The following TAF2 variants were observed in gnomAD, a reference collection of about 807,000 sequenced individuals.
TAF2 encodes the protein TATA-box binding protein associated factor 2, also known as transcription initiation factor TFIID subunit 2.
A neutral mutation model predicts 138.5 loss-of-function variants in TAF2; 61 were observed. The observed-to-expected ratio is 0.44, with a 90% CI of 0.36 to 0.54. The LOEUF is 0.54. Ranked by LOEUF, TAF2 falls within the 20% of genes least tolerant of loss-of-function variation. TAF2 has a pLI of 0.00. For missense variants in TAF2, 1,090 were observed against 1,427.9 expected, an observed-to-expected ratio of 0.76 and a Z score of 3.81; for synonymous variants, 475 against 469.9, an observed-to-expected ratio of 1.01 and a Z score of -0.14.
chr8:119,735,213 T>G (rs533304958), intron 25 of TAF2, among the ~76,000 whole-genome samples: 13 of 152,312 alleles, frequency 8.5e-5, no homozygotes, highest in Non-Finnish European at 1.5e-4. Flanking sequence ...ACTGATAGCC[T>G]CTTGAGGACA....
intron 22 of TAF2, among the ~76,000 whole-genome samples, chr8:119,748,607 C>T (rs1178670097): frequency 6.6e-6 from 1 of 152,088 alleles, no homozygotes; most frequent in Non-Finnish European, 1.5e-5. Flanking sequence ...GAATTTTACA[C>T]TGGAAACCCA....
At chr8:119,774,831 C>T (rs1822106288) in intron 18 of TAF2, among the ~76,000 whole-genome samples, 1 of 152,006 alleles carries the variant, frequency 6.6e-6, no homozygotes, top group South Asian at 2.1e-4. Context: ...TAGAAAGAAA[C>T]TCCAGCATCA....
At position 119,793,659 on chromosome 8, in the gene TAF2, T is replaced by C. The variant is rs540523552; in HGVS notation, c.1192-208A>G. The stretch of plus-strand genomic sequence containing the variant: ...GGCAGAATGACAAAAGCCAAAGACT[T>C]CTCTACTTTATGACTTCAGGGCTGG... On this transcript the variant is annotated intron_variant, in intron 9 of 25. Transcript: ENST00000378164. Among the ~76,000 whole-genome samples the C allele has an allele frequency of 2.6e-5, 4 of 152,296 alleles. No homozygotes were observed. The South Asian group carries it at 8.3e-4, about 32-fold the overall frequency.
chr8:119,787,907 C>T (rs1185911887), intron 14 of TAF2, among the ~76,000 whole-genome samples: 1 of 152,142 alleles, frequency 6.6e-6, no homozygotes, highest in Non-Finnish European at 1.5e-5. Context: ...ACTATGCAGC[C>T]ATAAAAAAGA....
At chr8:119,777,170 T>C (rs1403718315) in intron 18 of TAF2, among the ~76,000 whole-genome samples, 4 of 152,316 alleles carry the variant, frequency 2.6e-5, no homozygotes, top group Admixed American at 1.3e-4. Flanking sequence ...AAATATTATA[T>C]AACATTTATA....
chr8:119,742,993 C>T (rs1294159719), intron 24 of TAF2, among the ~76,000 whole-genome samples: 5 of 151,706 alleles, frequency 3.3e-5, no homozygotes, highest in Admixed American at 6.6e-5. Context: ...CACTTGAACC[C>T]GGGAGGCAAA....
Position 119,801,898 on chromosome 8 carries a change from T to G in TAF2, c.688A>C (p.Arg230=), listed in dbSNP as rs916052903. 6.2e-7 allele frequency: 1 copy of G among 1,614,200 alleles called. No homozygotes were observed. Among genetic ancestry groups the G allele is most frequent in the Non-Finnish European group, 8.5e-7 (1 of 1,180,024 alleles). Residue 230 remains arginine (R), a synonymous_variant, in exon 6 of 26, where the codon AGG becomes CGG. Transcript: ENST00000378164. ...LVETVYTHDM[R]KKTFHYMLTI... is the part of the protein sequence containing the mutation. Reference sequence around the variant, plus strand: ...AGCATATAATGGAAAGTTTTCTTCCTCATATCATGAGTATACACTGTCTCC... The same window carrying G: ...AGCATATAATGGAAAGTTTTCTTCCGCATATCATGAGTATACACTGTCTCC...
intron 2 of TAF2, among the ~76,000 whole-genome samples, chr8:119,821,489 G>A (rs1211167025): frequency 6.6e-6 from 1 of 152,140 alleles, no homozygotes; most frequent in Non-Finnish European, 1.5e-5. Flanking sequence ...CTATAAACGA[G>A]GGTAGTGGAA....
At chr8:119,756,981 G>A (rs562467919) in intron 21 of TAF2, among the ~76,000 whole-genome samples, 1 of 152,274 alleles carries the variant, frequency 6.6e-6, no homozygotes, top group African/African-American at 2.4e-5. Context: ...GGATATAAGT[G>A]AGGAAGAAAG....
intron 6 of TAF2, among the ~76,000 whole-genome samples, chr8:119,801,194 T>A (rs779560984): frequency 6.6e-6 from 1 of 152,212 alleles, no homozygotes; most frequent in Non-Finnish European, 1.5e-5. Context: ...ATGTCATTAG[T>A]AATGAACAAA....
rs1240587415 is a variant in TAF2, at chr8:119,806,331, C to T, written c.370G>A (p.Gly124Arg). The change falls in exon 4 of 26, where the codon GGA (glycine) becomes AGA (arginine). Residue 124 changes from glycine to arginine, a missense_variant. Transcript: ENST00000378164. ...GATGGAACCTTAATGCAAAGTTCTC[C>T]ATTTCCTGCATCAGGGTCCACAGCA... ...VSAVDPDAGN[G>R]ELCIKVPSEL... is the part of the protein sequence containing the mutation. The T allele has an allele frequency of 4.3e-6, 7 of 1,614,122 alleles. No homozygotes were observed. The highest frequency in any genetic ancestry group is 5.9e-6 in the Non-Finnish European group (7 of 1,180,006).
chr8:119,741,926 T>G (rs1021095032), intron 25 of TAF2, among the ~76,000 whole-genome samples: 6 of 152,202 alleles, frequency 3.9e-5, no homozygotes, highest in African/African-American at 1.2e-4. Context: ...ATCCTCTCTT[T>G]GTAAGTGATG....
chr8:119,778,941 T>A lies in TAF2; in HGVS notation c.2254-812A>T, dbSNP rs564637965. Among the ~76,000 whole-genome samples, 138 of 152,166 alleles carry A rather than the reference T, an allele frequency of 9.1e-4. 1 individual carries two copies. The highest frequency in any genetic ancestry group is 3.1e-3 in the African/African-American group (129 of 41,494). ...CCTCTTCTTACTCAAAATAACTATATCCTCTAAAATGGAGGTCAGAAAGGA... is the reference window on the plus strand; with the variant it reads ...CCTCTTCTTACTCAAAATAACTATAACCTCTAAAATGGAGGTCAGAAAGGA... On this transcript the variant is annotated intron_variant, in intron 17 of 25. Coordinates refer to ENST00000378164, the MANE Select transcript of TAF2 (RefSeq NM_003184.4).
intron 25 of TAF2, among the ~76,000 whole-genome samples, chr8:119,736,040 A>T (rs1819202789): frequency 6.6e-6 from 1 of 152,126 alleles, no homozygotes; most frequent in Non-Finnish European, 1.5e-5. Context: ...TTATCCTTTA[A>T]TCCTAAACAC....
At chr8:119,800,337 G>A (rs991357629) in intron 6 of TAF2, among the ~76,000 whole-genome samples, 12 of 152,162 alleles carry the variant, frequency 7.9e-5, no homozygotes, top group African/African-American at 2.7e-4. Flanking sequence ...GTAAGGAAGG[G>A]ATCCAGTTTC....
chr8:119,751,884 G>A (rs1013109882), intron 22 of TAF2, among the ~76,000 whole-genome samples: 1 of 152,138 alleles, frequency 6.6e-6, no homozygotes, highest in Non-Finnish European at 1.5e-5. Flanking sequence ...AAGCTGTCAT[G>A]GGAATTGCAA....
intron 3 of TAF2, among the ~76,000 whole-genome samples, chr8:119,809,480 T>G (rs1377889418): frequency 1.3e-5 from 2 of 152,210 alleles, no homozygotes; most frequent in Non-Finnish European, 2.9e-5. Flanking sequence ...GTACTTTTAA[T>G]TTCCTTCAAG....
intron 18 of TAF2, among the ~76,000 whole-genome samples, chr8:119,771,299 A>T (rs1451338785): frequency 6.6e-6 from 1 of 151,916 alleles, no homozygotes; most frequent in African/African-American, 2.4e-5. Context: ...GCTGTGGTGC[A>T]ACCTCGGCTC....
At chr8:119,812,751 GTATA>G (rs768473614) in intron 3 of TAF2, among the ~76,000 whole-genome samples, 1,997 of 86,554 alleles carry the variant, frequency 0.023, 24 homozygotes, top group Middle Eastern at 0.056. Flanking sequence ...GTGTGTGTGT[GTATA>G]TATGTGTGTA....
Sources: gnomAD v4.1 joint callset for allele counts (sites outside exome capture counted in the v4.1 genomes callset) on GRCh38, gnomAD v4.1.1 for gene constraint, MANE v1.5 for transcripts, NCBI Gene and HGNC (gene_info 2026-07-23, HGNC 2026-07-21) for gene names.